The following SLC25A26 variants were observed in gnomAD, a reference collection of about 807,000 sequenced individuals.
The protein encoded by SLC25A26 is mitochondrial S-adenosylmethionine carrier protein.
A neutral mutation model predicts 37.8 loss-of-function variants in SLC25A26; 36 were observed. The observed-to-expected ratio is 0.95, with a 90% CI of 0.73 to 1.26. The LOEUF (loss-of-function observed/expected upper bound fraction) is 1.26, where lower values mean the gene tolerates loss of function less well. SLC25A26 is among the 50% of genes most tolerant of loss of function. The pLI is 0.00. For synonymous variants in SLC25A26, 129 were observed against 122.5 expected, an observed-to-expected ratio of 1.05 and a Z score of -0.35; for missense variants, 390 against 331.1, an observed-to-expected ratio of 1.18 and a Z score of -1.38.
intron 5 of SLC25A26, among the ~76,000 whole-genome samples, chr3:66,289,022 T>C (rs1316191867): frequency 6.6e-6 from 1 of 152,174 alleles, no homozygotes; most frequent in African/African-American, 2.4e-5. Flanking sequence ...TGTCATTCTA[T>C]CTGGCATGAG....
intron 9 of SLC25A26, chr3:66,371,481 G>GAA: frequency 1.5e-6 from 2 of 1,366,020 alleles, no homozygotes; most frequent in Non-Finnish European, 1.9e-6. Flanking sequence ...TTTCCAGTTG[G>GAA]AAGTTTGAAA....
chr3:66,204,418 T>C (rs2071148387), intron 1 of SLC25A26, among the ~76,000 whole-genome samples: 2 of 81,244 alleles, frequency 2.5e-5, no homozygotes, highest in Non-Finnish European at 4.8e-5. Flanking sequence ...TGAGTGATAC[T>C]CCGTCTCAAA....
At chr3:66,311,866 T>A (rs1381925965) in intron 5 of SLC25A26, among the ~76,000 whole-genome samples, 2 of 152,140 alleles carry the variant, frequency 1.3e-5, no homozygotes, top group Non-Finnish European at 2.9e-5. Flanking sequence ...CTCTGAAAGC[T>A]TTGTCCCAGA....
intron 5 of SLC25A26, among the ~76,000 whole-genome samples, chr3:66,289,281 C>G (rs2074622575): frequency 6.6e-6 from 1 of 152,104 alleles, no homozygotes; most frequent in East Asian, 1.9e-4. Flanking sequence ...GTTGCCTATT[C>G]ACTCTGATGA....
intron 1 of SLC25A26, among the ~76,000 whole-genome samples, chr3:66,199,686 A>G (rs1321847197): frequency 6.6e-6 from 1 of 151,990 alleles, no homozygotes; most frequent in African/African-American, 2.4e-5. Flanking sequence ...CCTCAACTTC[A>G]TCCTGACCCT....
chr3:66,274,258 G>A (rs1297873706), intron 5 of SLC25A26, among the ~76,000 whole-genome samples: 7 of 151,760 alleles, frequency 4.6e-5, no homozygotes, highest in East Asian at 3.9e-4. Flanking sequence ...TTCAAGATGG[G>A]TTAAAGACTT....
upstream of SLC25A26, among the ~76,000 whole-genome samples, chr3:66,218,800 C>T (rs2071398500): frequency 6.6e-6 from 1 of 152,152 alleles, no homozygotes; most frequent in Non-Finnish European, 1.5e-5. Context: ...ATTAAGGCTA[C>T]CTGCCAATAG....
intron 5 of SLC25A26, among the ~76,000 whole-genome samples, chr3:66,310,940 C>G (rs1374296100): frequency 6.6e-6 from 1 of 152,166 alleles, no homozygotes; most frequent in Non-Finnish European, 1.5e-5. Context: ...TCCTTCCTTT[C>G]AACCTTGGTG....
At chr3:66,176,325 A>G (rs914052638) in intron 1 of SLC25A26, among the ~76,000 whole-genome samples, 1 of 152,250 alleles carries the variant, frequency 6.6e-6, no homozygotes, top group East Asian at 1.9e-4. Context: ...GAGATGTTAT[A>G]TAAGCATAAA....
intron 1 of SLC25A26, among the ~76,000 whole-genome samples, chr3:66,207,062 C>T (rs986182957): frequency 6.6e-6 from 1 of 151,702 alleles, no homozygotes; most frequent in Non-Finnish European, 1.5e-5. Flanking sequence ...TTCTATGTGG[C>T]GATCAGACTC....
At chr3:66,312,147 G>A (rs771316820) in intron 5 of SLC25A26, among the ~76,000 whole-genome samples, 2 of 152,182 alleles carry the variant, frequency 1.3e-5, no homozygotes, top group Non-Finnish European at 2.9e-5. Flanking sequence ...TTATCTATAA[G>A]CACCTGACTG....
chr3:66,297,698 A>G (rs1384237852), intron 5 of SLC25A26, among the ~76,000 whole-genome samples: 3 of 152,128 alleles, frequency 2.0e-5, no homozygotes, highest in African/African-American at 7.2e-5. Context: ...ACTTTCTTTC[A>G]TTTATGTATT....
At chr3:66,150,324 C>A (rs2070180635) in intron 1 of SLC25A26, among the ~76,000 whole-genome samples, 1 of 150,946 alleles carries the variant, frequency 6.6e-6, no homozygotes, top group Non-Finnish European at 1.5e-5. Context: ...ATGATGAAAT[C>A]CTGTCTTTAC....
At chr3:66,306,375 CT>C (rs35947647) in intron 5 of SLC25A26, among the ~76,000 whole-genome samples, 62,592 of 152,030 alleles carry the variant, frequency 0.41, 16,111 homozygotes, top group East Asian at 0.71. Context: ...TGATGTTGAG[CT>C]TTTTTTTCTT....
chr3:66,207,088 C>A (rs2106824586), intron 1 of SLC25A26, among the ~76,000 whole-genome samples: 2 of 151,916 alleles, frequency 1.3e-5, no homozygotes, highest in African/African-American at 4.8e-5. Flanking sequence ...ACTCGGTAGG[C>A]TTTAAAACCT....
chr3:66,308,602 A>T (rs1040755064), intron 5 of SLC25A26, among the ~76,000 whole-genome samples: 1 of 152,220 alleles, frequency 6.6e-6, no homozygotes, highest in Non-Finnish European at 1.5e-5. Flanking sequence ...TAATGCTTCT[A>T]GCTTTTCCCC....
intron 3 of SLC25A26, among the ~76,000 whole-genome samples, chr3:66,254,505 T>G (rs1169355938): frequency 6.6e-6 from 1 of 152,264 alleles, no homozygotes; most frequent in Non-Finnish European, 1.5e-5. Flanking sequence ...GATGAAGCTT[T>G]GAGTGGCTCT....
intron 4 of SLC25A26, 100 bp downstream of exon 4, chr3:66,262,255 T>A (rs950202611): frequency 7.1e-6 from 4 of 563,644 alleles, no homozygotes; most frequent in East Asian, 6.8e-5. Context: ...GAGAAAACTT[T>A]AGAGCTAAAT....
intron 6 of SLC25A26, among the ~76,000 whole-genome samples, chr3:66,350,875 C>T (rs1043592486): frequency 1.3e-5 from 2 of 152,102 alleles, no homozygotes; most frequent in Non-Finnish European, 2.9e-5. Flanking sequence ...TCACTCAAAT[C>T]TCAATTCAGT....
Sources: gnomAD v4.1 joint callset for allele counts (sites outside exome capture counted in the v4.1 genomes callset) on GRCh38, gnomAD v4.1.1 for gene constraint, MANE v1.5 for transcripts, NCBI Gene and HGNC (gene_info 2026-07-23, HGNC 2026-07-21) for gene names.